The following NOS1 variants were observed in gnomAD, a reference collection of about 807,000 sequenced individuals.
The protein encoded by NOS1 is NOS type I.
NOS1 carries 51 observed loss-of-function variants against 164.5 expected under a neutral mutation model. The ratio of observed to expected loss-of-function variants is 0.31; its 90% confidence interval spans 0.25 to 0.39. The LOEUF (loss-of-function observed/expected upper bound fraction) is 0.39, where lower values mean the gene tolerates loss of function less well. Ranked by LOEUF, NOS1 falls within the 10% of genes least tolerant of loss-of-function variation. The pLI, the probability that NOS1 is intolerant of heterozygous loss-of-function variation, is 1.00. For synonymous variants in NOS1, 719 were observed against 745.8 expected (o/e 0.96, Z 0.59); for missense variants, 1,362 against 1,885.6 (o/e 0.72, Z 5.14).
At chr12:117,217,945 G>C (rs560100921) in intron 28 of NOS1, 101 bp downstream of exon 28, 15 of 848,898 alleles carry the variant, frequency 1.8e-5, no homozygotes, top group African/African-American at 1.3e-4. Flanking sequence ...TGATGCTGCT[G>C]TTTTGGGGAC....
chr12:117,257,250 A>C (rs1355983731), intron 16 of NOS1, among the ~76,000 whole-genome samples: 2 of 151,386 alleles, frequency 1.3e-5, no homozygotes, highest in African/African-American at 4.9e-5. Flanking sequence ...TGCCCAGCTA[A>C]TTTTTAATTT....
rs1371600135 is a variant in NOS1 at position 117,263,952 on chromosome 12, A to G, written c.2159T>C (p.Val720Ala). The change falls in exon 13 of 29, where the codon GTC becomes GCC. Residue 720 changes from valine to alanine, a missense_variant. Around this residue, in one of 4 missense-constraint regions of NOS1, gnomAD observed 737 missense variants for 1,030.3 expected, o/e 0.72. Transcript: ENST00000317775. The stretch of plus-strand genomic sequence containing the variant: ...GGGGGTCCCGTTGGTGCCTTTCCAG[A>G]CATGCGTGTTCCAGGGATCAGGCTG... The part of the protein sequence containing the change: ...EYQPDPWNTH[V>A]WKGTNGTPTK... 1 of 1,613,614 alleles carries G rather than the reference A, an allele frequency of 6.2e-7. No individual in the cohort carries two copies. The highest frequency in any genetic ancestry group is 2.2e-5 in the East Asian group (1 of 44,864).
intron 9 of NOS1, among the ~76,000 whole-genome samples, chr12:117,276,247 T>C (rs1873168322): frequency 6.6e-6 from 1 of 152,206 alleles, no homozygotes; most frequent in African/African-American, 2.4e-5. Flanking sequence ...ATAGTCACCC[T>C]GTTGTGCTAT....
At chr12:117,318,301 T>A (rs909199483) in intron 2 of NOS1, among the ~76,000 whole-genome samples, 2 of 152,096 alleles carry the variant, frequency 1.3e-5, no homozygotes, top group Non-Finnish European at 2.9e-5. Flanking sequence ...GGGAGACCCA[T>A]TTCCCTGGGA....
rs990762429 is a variant in NOS1, at chr12:117,209,217, G to C, written c.*6092C>G. The C allele has an allele frequency of 6.1e-6, 6 of 985,328 alleles. No individual in the cohort carries two copies. Among genetic ancestry groups the C allele is most frequent in the Non-Finnish European group, 7.2e-6 (6 of 829,862 alleles). 61.0% of individuals were successfully genotyped at this position (985,328 alleles called of 1,614,324 possible). A position where few individuals can be genotyped will look rare whatever the true frequency, so the allele number is the denominator to read the frequency against. ...CTCTTGACCCTGAAGTCCAAGAGAG[G>C]GGTGTTGCCCCCTGGGGACATTGGG... On this transcript the variant is annotated 3_prime_UTR_variant, in exon 29 of 29. Transcript: ENST00000317775.
At position 117,255,635 on chromosome 12, in the gene NOS1, C is replaced by A. The variant is rs1871379190; in HGVS notation, c.2532-1881G>T. On this transcript the variant is annotated intron_variant, in intron 16 of 28. Transcript: ENST00000317775. ...TTGTGGGTAAAAATAACAGCACGTG[C>A]ATTTGTATGAGGTTGGAGGTTTTTT... Among the ~76,000 whole-genome samples, 2 of 152,142 alleles carry A rather than the reference C, an allele frequency of 1.3e-5. 1 individual carries two copies. The highest frequency in any genetic ancestry group is 4.1e-4 in the South Asian group (2 of 4,832).
intron 3 of NOS1, among the ~76,000 whole-genome samples, chr12:117,299,090 T>C (rs989909773): frequency 6.6e-6 from 1 of 152,178 alleles, no homozygotes; most frequent in Non-Finnish European, 1.5e-5. Flanking sequence ...GCTGCAGCCC[T>C]GGGCGGCATC....
At chr12:117,317,938 G>A (rs1233128031) in intron 2 of NOS1, among the ~76,000 whole-genome samples, 2 of 152,162 alleles carry the variant, frequency 1.3e-5, no homozygotes, top group African/African-American at 2.4e-5. Context: ...TTAGGAGGCC[G>A]AGGTGGGAAG....
intron 1 of NOS1, among the ~76,000 whole-genome samples, chr12:117,336,600 G>A (rs778273437): frequency 5.9e-5 from 9 of 152,078 alleles, no homozygotes; most frequent in Non-Finnish European, 1.0e-4. Flanking sequence ...ACTTAGTCAT[G>A]TAATCAAACA....
chr12:117,227,594 G>A lies in NOS1; in HGVS notation c.3453C>T (p.Ile1151=), dbSNP rs9658500. The A allele has an allele frequency of 1.5e-3, 2,382 of 1,614,064 alleles. 25 individuals carry two copies. The African/African-American group carries it at 0.027, about 19-fold the overall frequency. ...EEWKWGKNPT[I]VEVLEEFPSI... is the part of the protein sequence containing the mutation. The stretch of plus-strand genomic sequence containing the variant: ...ATGGGAACTCCTCCAGCACCTCCAC[G>A]ATGGTGGGGTTCTTGCCCCATTTCC... Residue 1151 remains isoleucine (I), a synonymous_variant, in exon 23 of 29, where the codon ATC becomes ATT. Transcript: ENST00000317775.
intron 1 of NOS1, among the ~76,000 whole-genome samples, chr12:117,349,515 CTAGA>C (rs1308349862): frequency 6.6e-6 from 1 of 152,140 alleles, no homozygotes; most frequent in Non-Finnish European, 1.5e-5. Flanking sequence ...TGTTTTGGAA[CTAGA>C]TAGAGGCAAT....
At chr12:117,274,028 A>G (rs1872982056) in intron 9 of NOS1, among the ~76,000 whole-genome samples, 1 of 152,202 alleles carries the variant, frequency 6.6e-6, no homozygotes, top group Non-Finnish European at 1.5e-5. Context: ...GTGAAAAGAC[A>G]ACCTAAAGAA....
At chr12:117,223,265 C>CTTT (rs112723960) in intron 25 of NOS1, among the ~76,000 whole-genome samples, 2 of 143,452 alleles carry the variant, frequency 1.4e-5, no homozygotes, top group Non-Finnish European at 3.1e-5. Context: ...ACTTACTCAA[C>CTTT]TTTTTTTTTT....
In NOS1 at chr12:117,272,682, T is replaced by C; in HGVS notation, c.1665-123A>G. 1.2e-6 allele frequency: 1 copy of C among 861,746 alleles called. No individual in the cohort carries two copies. The highest frequency in any genetic ancestry group is 1.8e-6 in the Non-Finnish European group (1 of 563,440). 53.4% of individuals were successfully genotyped at this position (861,746 alleles called of 1,614,324 possible). Reference sequence around the variant, plus strand: ...ACTGACAAGGTCAGAATATGGTTCCTGGGCCCTGCTTCAGATCTGTGGAAT... The same window carrying C: ...ACTGACAAGGTCAGAATATGGTTCCCGGGCCCTGCTTCAGATCTGTGGAAT... On this transcript the variant is annotated intron_variant, in intron 9 of 28. Coordinates refer to ENST00000317775, the MANE Select transcript of NOS1 (RefSeq NM_000620.5). The surrounding 1 kb of genome is among the most constrained non-coding windows in gnomAD (Gnocchi z 4.3).
At chr12:117,333,288 C>T (rs914635815) in intron 1 of NOS1, among the ~76,000 whole-genome samples, 67 of 152,344 alleles carry the variant, frequency 4.4e-4, no homozygotes, top group African/African-American at 1.6e-3. Flanking sequence ...CACTCAAGTG[C>T]TACTTCCATC....
chr12:117,259,740 G>A (rs190554421), intron 14 of NOS1, among the ~76,000 whole-genome samples: 14 of 152,314 alleles, frequency 9.2e-5, no homozygotes, highest in Middle Eastern at 3.4e-3. Flanking sequence ...TTTGGGAAAC[G>A]TCTATATTCT....
intron 2 of NOS1, among the ~76,000 whole-genome samples, chr12:117,321,672 C>T (rs948824698): frequency 3.3e-5 from 5 of 152,096 alleles, no homozygotes; most frequent in African/African-American, 1.2e-4. Flanking sequence ...AGTTACTGGG[C>T]TTAGTTCCTT....
chr12:117,223,007 G>A lies in NOS1; in HGVS notation c.3827-144C>T, dbSNP rs1349900237. On this transcript the variant is annotated intron_variant, in intron 25 of 28. Coordinates refer to ENST00000317775, the MANE Select transcript of NOS1 (RefSeq NM_000620.5). ...AACACTAGGACAGGCAGATGTATGC[G>A]TGCACACACATGTACACAGGTGCTC... 36 of 874,178 alleles carry A rather than the reference G, an allele frequency of 4.1e-5. 1 individual carries two copies. The highest frequency in any genetic ancestry group is 4.0e-4 in the South Asian group (24 of 59,624). The allele number at this position is 874,178 out of a possible 1,614,324, so 54.2% of individuals were successfully genotyped here. A position where few individuals can be genotyped will look rare whatever the true frequency, so the allele number is the denominator to read the frequency against.
intron 8 of NOS1, among the ~76,000 whole-genome samples, chr12:117,279,615 A>G (rs1307811631): frequency 6.6e-6 from 1 of 152,198 alleles, no homozygotes; most frequent in Non-Finnish European, 1.5e-5. Context: ...TAAAAAGAGG[A>G]AACACCAAAT....
Sources: allele counts gnomAD v4.1 joint callset (sites outside exome capture counted in the v4.1 genomes callset), GRCh38; gene constraint gnomAD v4.1.1; regional missense constraint gnomAD v4.1.1; non-coding constraint Gnocchi (gnomAD v3.1); transcripts MANE v1.5; gene names NCBI Gene and HGNC (gene_info 2026-07-23, HGNC 2026-07-21).